The following AGAP3 variants were observed in gnomAD, a reference collection of about 807,000 sequenced individuals.
AGAP3 encodes the protein ArfGAP with GTPase domain, ankyrin repeat and PH domain 3.
A neutral mutation model predicts 96.9 loss-of-function variants in AGAP3; 24 were observed. The observed-to-expected ratio is 0.25, with a 90% CI of 0.18 to 0.35. The LOEUF is 0.35. Among genes scored for constraint, AGAP3 ranks in the 10% least tolerant of loss-of-function variants. The probability of loss-of-function intolerance (pLI) is 1.00; values close to 1 mark genes in which losing one functional copy is unlikely to be tolerated. For synonymous variants in AGAP3, 563 were observed against 536.1 expected (o/e 1.05, Z -0.69); for missense variants, 876 against 1,254.2 (o/e 0.70, Z 4.55).
chr7:151,100,631 C>T (rs186533555), intron 1 of AGAP3, among the ~76,000 whole-genome samples: 3 of 152,194 alleles, frequency 2.0e-5, no homozygotes, highest in Non-Finnish European at 2.9e-5. Context: ...CAGGAGTTCA[C>T]GACCAGCATA....
At chr7:151,137,841 C>T (rs564918040) in intron 11 of AGAP3, 6 of 438,346 alleles carry the variant, frequency 1.4e-5, no homozygotes, top group African/African-American at 4.1e-5. Context: ...TGGGTGTCAG[C>T]ACCACCCAGC....
intron 1 of AGAP3, among the ~76,000 whole-genome samples, chr7:151,093,089 G>A (rs1024755717): frequency 1.3e-4 from 20 of 152,274 alleles, no homozygotes; most frequent in African/African-American, 4.3e-4. Flanking sequence ...ATAGACAGAT[G>A]CTTGCTCAAG....
intron 1 of AGAP3, among the ~76,000 whole-genome samples, chr7:151,103,795 CT>C (rs1470700616): frequency 6.6e-6 from 1 of 152,186 alleles, no homozygotes; most frequent in African/African-American, 2.4e-5. Flanking sequence ...AATGTGATAC[CT>C]TTTCCCCCAT....
At chr7:151,087,689 G>T (rs1798216211) in intron 1 of AGAP3, among the ~76,000 whole-genome samples, 1 of 152,234 alleles carries the variant, frequency 6.6e-6, no homozygotes, top group Non-Finnish European at 1.5e-5. Context: ...GGGATCCGCG[G>T]CTCCTCGGTC....
intron 1 of AGAP3, chr7:151,090,380 CTTTTTTTTTTTTTT>C (rs66762542): frequency 3.5e-5 from 3 of 86,418 alleles, no homozygotes; most frequent in Non-Finnish European, 6.6e-5. Context: ...CCCACTAGGG[CTTTTTTTTTTTTTT>C]TTTTTTTTTT....
At chr7:151,123,672 G>A (rs1282494819) in intron 8 of AGAP3, 122 bp from the exon 9 acceptor site, 5 of 1,550,310 alleles carry the variant, frequency 3.2e-6, no homozygotes, top group South Asian at 1.2e-5. Flanking sequence ...CCGCCGCCCC[G>A]GCCCGACCCA....
At chr7:151,121,690 T>C (rs1799900753) in intron 8 of AGAP3, among the ~76,000 whole-genome samples, 1 of 152,164 alleles carries the variant, frequency 6.6e-6, no homozygotes. Context: ...GGCACGGCCT[T>C]CCCTCTGGCG....
In AGAP3 at chr7:151,120,080, A is replaced by T; in HGVS notation, c.1063A>T (p.Ile355Phe). The T allele has an allele frequency of 6.2e-7, 1 of 1,613,794 alleles. No individual in the cohort carries two copies. The highest frequency in any genetic ancestry group is 8.5e-7 in the Non-Finnish European group (1 of 1,179,858). The change falls in exon 8 of 18, where the codon ATC becomes TTC. Residue 355 changes from isoleucine (I) to phenylalanine (F), a missense_variant. Physicochemically the swap from Ile to Phe is conservative, Grantham distance 21. Transcript: ENST00000397238. ...CCAGCGGGAGCTGCGCATCGAGACC[A>T]TCGCTGCCTCCTCCACCCCCACACC... Reference protein sequence around the residue: ...ISQRELRIETIAASSTPTPIR... With the variant: ...ISQRELRIETFAASSTPTPIR...
intron 1 of AGAP3, among the ~76,000 whole-genome samples, chr7:151,090,826 C>T (rs2150403783): frequency 6.6e-6 from 1 of 152,270 alleles, no homozygotes; most frequent in South Asian, 2.1e-4. Context: ...CACCTGTAGT[C>T]CCAGCTACTC....
rs1236323581 is a variant in AGAP3, at chr7:151,133,196, A to T, written c.1327-1204A>T. Reference sequence around the variant, plus strand: ...CCAGGTTCTTCTCTCAGGAAGGGGCATAGACCCATGGAGAGGAATTTGTGC... The same window carrying T: ...CCAGGTTCTTCTCTCAGGAAGGGGCTTAGACCCATGGAGAGGAATTTGTGC... On this transcript the variant is annotated intron_variant, in intron 10 of 17. Transcript: ENST00000397238. This position sits in a 1 kb window ranked among gnomAD's most constrained non-coding sequence, Gnocchi z 5.4. 2.0e-5 allele frequency among the ~76,000 whole-genome samples: 3 copies of T among 152,242 alleles called. No individual in the cohort carries two copies. Among genetic ancestry groups the T allele is most frequent in the Non-Finnish European group, 4.4e-5 (3 of 68,040 alleles).
At position 151,119,953 on chromosome 7, in the gene AGAP3, C is replaced by T. The variant is rs375659972; in HGVS notation, c.970-34C>T. On this transcript the variant is annotated intron_variant, in intron 7 of 17. Coordinates refer to ENST00000397238, the MANE Select transcript of AGAP3 (RefSeq NM_031946.7). ...CCTGGTGCCCGTCCCGCCCCTGACC[C>T]GGAGCTGCCCTCAGCAGCCCTCTTT... is the stretch of plus-strand genomic sequence containing the variant. 392 of 1,609,058 alleles carry T rather than the reference C, an allele frequency of 2.4e-4. 1 individual carries two copies. The highest frequency in any genetic ancestry group is 2.1e-4 in the Non-Finnish European group (245 of 1,178,482).
chr7:151,115,855 A>G (rs1302797772), intron 1 of AGAP3, among the ~76,000 whole-genome samples: 3 of 152,164 alleles, frequency 2.0e-5, no homozygotes, highest in Non-Finnish European at 2.9e-5. Context: ...CAGGAAAGGA[A>G]GAGGAGACTC....
At position 151,117,131 on chromosome 7, in the gene AGAP3, C is replaced by T; in HGVS notation, c.427C>T (p.Leu143=). ...GAACCTGTCTAGCGGGAAGTCAGCCCTGGTGCACCGCTATCTGACGGGGAC... is the reference window on the plus strand; with the variant it reads ...GAACCTGTCTAGCGGGAAGTCAGCCTTGGTGCACCGCTATCTGACGGGGAC... ...VGNLSSGKSA[L]VHRYLTGTYV... is the part of the protein sequence containing the mutation. Residue 143 remains leucine, a synonymous_variant, in exon 3 of 18, where the codon CTG becomes TTG. Coordinates refer to ENST00000397238, the MANE Select transcript of AGAP3 (RefSeq NM_031946.7). 1.2e-6 allele frequency: 2 copies of T among 1,614,152 alleles called. No individual in the cohort carries two copies. Among genetic ancestry groups the T allele is most frequent in the African/African-American group, 1.3e-5 (1 of 75,056 alleles).
chr7:151,139,848 T>G lies in AGAP3; in HGVS notation c.1667-131T>G. Reference sequence around the variant, plus strand: ...GGCAGACCTCGCCTAGAGAGAGGTGTCCGTCTGGCTCTCCTGAGTGTGGCC... The same window carrying G: ...GGCAGACCTCGCCTAGAGAGAGGTGGCCGTCTGGCTCTCCTGAGTGTGGCC... On this transcript the variant is annotated intron_variant, in intron 12 of 17. Coordinates refer to ENST00000397238, the MANE Select transcript of AGAP3 (RefSeq NM_031946.7). The surrounding 1 kb of genome is among the most constrained non-coding windows in gnomAD (Gnocchi z 4.9). 2 of 861,078 alleles carry G rather than the reference T, an allele frequency of 2.3e-6. No homozygotes were observed. The highest frequency in any genetic ancestry group is 1.6e-6 in the Non-Finnish European group (1 of 624,146). The allele number at this position is 861,078 out of a possible 1,614,324, so 53.3% of individuals were successfully genotyped here.
At chr7:151,089,576 G>C (rs1245849490) in intron 1 of AGAP3, 2 of 152,270 alleles carry the variant, frequency 1.3e-5, no homozygotes, top group East Asian at 3.9e-4. Context: ...GATCCATCTG[G>C]CTCTGAGGAA....
intron 1 of AGAP3, among the ~76,000 whole-genome samples, chr7:151,087,915 C>A (rs900829868): frequency 6.6e-6 from 1 of 152,286 alleles, no homozygotes; most frequent in African/African-American, 2.4e-5. Context: ...GAGGCACCCG[C>A]AGGCACCCCG....
chr7:151,121,570 C>T (rs1296523755), intron 8 of AGAP3, among the ~76,000 whole-genome samples: 11 of 152,056 alleles, frequency 7.2e-5, no homozygotes, highest in Admixed American at 7.2e-4. Flanking sequence ...CTACCCTCTC[C>T]TCCGCCCACG....
intron 1 of AGAP3, among the ~76,000 whole-genome samples, chr7:151,112,446 G>A (rs1186179303): frequency 6.7e-6 from 1 of 149,698 alleles, no homozygotes; most frequent in Non-Finnish European, 1.5e-5. Context: ...TCCAGCATGT[G>A]TGCAGCTGGG....
rs1263301991 is a variant in AGAP3, at chr7:151,130,254, AGAG to A, written c.1326+1574_1326+1576del. Among the ~76,000 whole-genome samples the A allele has an allele frequency of 5.9e-5, 9 of 152,174 alleles. No individual in the cohort carries two copies. The South Asian group carries it at 1.9e-3, about 32-fold the overall frequency. On this transcript the variant is annotated intron_variant, in intron 10 of 17. Coordinates refer to ENST00000397238, the MANE Select transcript of AGAP3 (RefSeq NM_031946.7). ...CCAACAGTGGAGGCAGCGAGGATGA[AGAG>A]GAGTGGCAAGGGGTGTCTTGGATGT...
Sources: gnomAD v4.1 joint callset for allele counts (sites outside exome capture counted in the v4.1 genomes callset) on GRCh38, gnomAD v4.1.1 for gene constraint, Gnocchi (gnomAD v3.1) non-coding constraint, MANE v1.5 for transcripts, NCBI Gene and HGNC (gene_info 2026-07-23, HGNC 2026-07-21) for gene names.